Variants in FGFR3 observed in about 807,000 individuals in gnomAD.
FGFR3 encodes the protein fibroblast growth factor receptor 3.
FGFR3 carries 25 observed loss-of-function variants against 82.9 expected under a neutral mutation model. That is an observed-to-expected ratio of 0.30 (90% CI 0.22 to 0.42). The LOEUF (loss-of-function observed/expected upper bound fraction) is 0.42. Ranked by LOEUF, FGFR3 falls within the 10% of genes least tolerant of loss-of-function variation. The pLI, the probability that FGFR3 is intolerant of heterozygous loss-of-function variation, is 1.00. For synonymous variants in FGFR3, 620 were observed against 516.0 expected (o/e 1.20, Z -2.73); for missense variants, 1,026 against 1,161.0 (o/e 0.88, Z 1.69).
At position 1,808,007 on chromosome 4, in the gene FGFR3, G is replaced by T. The variant is rs1179772074; in HGVS notation, c.*745G>T. 8.3e-6 allele frequency: 2 copies of T among 239,962 alleles called. No individual in the cohort carries two copies. The highest frequency in any genetic ancestry group is 1.6e-5 in the Non-Finnish European group (2 of 122,232). 14.9% of individuals were successfully genotyped at this position (239,962 alleles called of 1,614,324 possible). A position where few individuals can be genotyped will look rare whatever the true frequency, so the allele number is the denominator to read the frequency against. ...CATGGCCCTGGGCGGGGCGTGGGGG[G>T]GCGTGGAGGGAGGCCCCAGGGGGTC... is the stretch of plus-strand genomic sequence containing the variant. On this transcript the variant is annotated 3_prime_UTR_variant, in exon 18 of 18. Transcript: ENST00000440486.
rs778645659 is a variant in FGFR3 at position 1,799,329 on chromosome 4, C to T, written c.185C>T (p.Pro62Leu). Reference sequence around the variant, plus strand: ...GGGGATGCTGTGGAGCTGAGCTGTCCCCCGCCCGGGGGTGGTCCCATGGGG... The same window carrying T: ...GGGGATGCTGTGGAGCTGAGCTGTCTCCCGCCCGGGGGTGGTCCCATGGGG... Reference protein sequence around the residue: ...GSGDAVELSCPPPGGGPMGPT... With the variant: ...GSGDAVELSCLPPGGGPMGPT... The change falls in exon 3 of 18, where the codon CCC (proline) becomes CTC (leucine). Residue 62 changes from proline to leucine, a missense_variant. Physicochemically the swap from Pro to Leu is moderately conservative, Grantham distance 98. Transcript: ENST00000440486. The T allele has an allele frequency of 6.2e-7, 1 of 1,612,598 alleles. No individual in the cohort carries two copies. Among genetic ancestry groups the T allele is most frequent in the East Asian group, 2.2e-5 (1 of 44,874 alleles).
Position 1,802,294 on chromosome 4 carries a change from G to A in FGFR3, c.930+269G>A, listed in dbSNP as rs549088698. Among the ~76,000 whole-genome samples, 5 of 152,362 alleles carry A rather than the reference G, an allele frequency of 3.3e-5. No individual in the cohort carries two copies. The East Asian group carries it at 7.7e-4, about 24-fold the overall frequency. ...GGAGCTGCCCACGGGCTTCTTGGGGGTGGGTGCGGCTTGGGCAGCAGTGGT... is the reference window on the plus strand; with the variant it reads ...GGAGCTGCCCACGGGCTTCTTGGGGATGGGTGCGGCTTGGGCAGCAGTGGT... On this transcript the variant is annotated intron_variant, in intron 7 of 17. Coordinates refer to ENST00000440486, the MANE Select transcript of FGFR3 (RefSeq NM_000142.5).
In FGFR3 at chr4:1,799,814, T is replaced by G. The variant is rs763050242; in HGVS notation, c.445+2T>G. 1.9e-6 allele frequency: 3 copies of G among 1,612,298 alleles called. No homozygotes were observed. Among genetic ancestry groups the G allele is most frequent in the Admixed American group, 3.3e-5 (2 of 59,978 alleles). ...CTGAGGACACAGGTGTGGACACAGG[T>G]AGGAGCAGGGTCCAGGGTTCAGGCC... On this transcript the variant is annotated splice_donor_variant, in intron 4 of 17. Coordinates refer to ENST00000440486, the MANE Select transcript of FGFR3 (RefSeq NM_000142.5). LOFTEE classifies it high-confidence loss of function.
At chr4:1,802,132 C>A in intron 7 of FGFR3, 107 bp downstream of exon 7, 2 of 1,239,044 alleles carry the variant, frequency 1.6e-6, no homozygotes, top group Non-Finnish European at 1.1e-6. Context: ...GGGGTTGGAG[C>A]TTCGGGGGCA....
rs3135900 is a variant in FGFR3 at position 1,807,298 on chromosome 4, A to G, written c.*36A>G. ...GTCCCCAACAATGTGAGGGGTCCCT[A>G]GCAGCCCACCCTGCTGCTGGTGCAC... On this transcript the variant is annotated 3_prime_UTR_variant, in exon 18 of 18. Coordinates refer to ENST00000440486, the MANE Select transcript of FGFR3 (RefSeq NM_000142.5). 49,021 of 1,567,180 alleles carry G rather than the reference A, an allele frequency of 0.031. 921 individuals are homozygous for G. The highest frequency in any genetic ancestry group is 0.034 in the Non-Finnish European group (39,988 of 1,160,836).
intron 13 of FGFR3, 50 bp from the exon 14 acceptor site, chr4:1,805,991 TGCTGGGAGCA>T (rs1398059949): frequency 6.2e-7 from 1 of 1,610,878 alleles, no homozygotes; most frequent in African/African-American, 1.3e-5. Flanking sequence ...TGCCCTGAGA[TGCTGGGAGCA>T]GCGGGGAGAG....
chr4:1,806,779 C>A (rs375456979), intron 16 of FGFR3, 50 bp from the exon 17 acceptor site: 3 of 1,593,236 alleles, frequency 1.9e-6, no homozygotes, highest in African/African-American at 2.7e-5. Context: ...AGGCTGTTCC[C>A]GAATAAGGCG....
intron 8 of FGFR3, 42 bp from the exon 9 acceptor site, chr4:1,804,288 G>A (rs17884871): frequency 2.0e-4 from 304 of 1,548,404 alleles, no homozygotes; most frequent in Middle Eastern, 3.5e-4. Flanking sequence ...AGCCCCGTGG[G>A]GGGGGGGGCC....
Position 1,807,722 on chromosome 4 carries a change from T to C in FGFR3, c.*460T>C. On this transcript the variant is annotated 3_prime_UTR_variant, in exon 18 of 18. Transcript: ENST00000440486. The stretch of plus-strand genomic sequence containing the variant: ...GAAGCCCCACATGTCCAGCACCTTG[T>C]GCCTGGGGTGTTAGTGGCACCGCCT... 1 of 608,524 alleles carries C rather than the reference T, an allele frequency of 1.6e-6. No individual in the cohort carries two copies. The highest frequency in any genetic ancestry group is 3.2e-6 in the Non-Finnish European group (1 of 315,732). 37.7% of individuals were successfully genotyped at this position (608,524 alleles called of 1,614,324 possible). A position where few individuals can be genotyped will look rare whatever the true frequency, so the allele number is the denominator to read the frequency against.
intron 2 of FGFR3, among the ~76,000 whole-genome samples, chr4:1,796,979 T>G (rs918698357): frequency 1.3e-5 from 2 of 152,088 alleles, no homozygotes; most frequent in African/African-American, 4.8e-5. Context: ...GAGCCCAAGT[T>G]GAGGTCGGCA....
rs1467150175 is a variant in FGFR3 at position 1,807,269 on chromosome 4, A to T, written c.*7A>T. On this transcript the variant is annotated 3_prime_UTR_variant, in exon 18 of 18. Transcript: ENST00000440486. ...TGGGGGCTCGCGGACGTGAAGGGCC[A>T]CTGGTCCCCAACAATGTGAGGGGTC... The T allele has an allele frequency of 6.3e-7, 1 of 1,591,670 alleles. No homozygotes were observed. The highest frequency in any genetic ancestry group is 8.5e-7 in the Non-Finnish European group (1 of 1,171,736).
intron 8 of FGFR3, 35 bp from the exon 9 acceptor site, chr4:1,804,295 G>C (rs745558716): frequency 2.5e-5 from 39 of 1,556,552 alleles, no homozygotes; most frequent in East Asian, 6.7e-5. Flanking sequence ...TGGGGGGGGG[G>C]GCCAGGCCAG....
At chr4:1,803,097 G>C in intron 7 of FGFR3, 2 of 1,530,216 alleles carry the variant, frequency 1.3e-6, no homozygotes, top group Admixed American at 2.1e-5. Flanking sequence ...GCCGGCACAA[G>C]AGCTCCAGCT....
chr4:1,799,662 GGGGGACCCT>G (rs1267482147), intron 3 of FGFR3, 76 bp from the exon 4 acceptor site: 1 of 1,578,792 alleles, frequency 6.3e-7, no homozygotes, highest in African/African-American at 1.3e-5. Context: ...CTGCCCAAAT[GGGGGACCCT>G]GCCCCATCTG....
chr4:1,802,947 C>T lies in FGFR3; in HGVS notation c.931-745C>T, dbSNP rs757360105. 4.4e-6 allele frequency: 7 copies of T among 1,601,744 alleles called. No homozygotes were observed. In the Admixed American group the frequency reaches 5.1e-5, roughly 12 times the overall value. ...CAGTGAGAGTGTGGAGGCCGACGTG[C>T]GCCTCCGCCTGGCCAATGTGTCGGA... On this transcript the variant is annotated intron_variant, in intron 7 of 17. Transcript: ENST00000440486.
rs781534447 is a variant in FGFR3 at position 1,806,660 on chromosome 4, G to A, written c.2145G>A (p.Lys715=). 13 of 1,612,724 alleles carry A rather than the reference G, an allele frequency of 8.1e-6. No homozygotes were observed. The highest frequency in any genetic ancestry group is 1.1e-5 in the Non-Finnish European group (13 of 1,179,890). Residue 715 remains lysine, a synonymous_variant, in exon 16 of 18, where the codon AAG becomes AAA. Transcript: ENST00000440486. ...TGAAGGAGGGCCACCGCATGGACAA[G>A]CCCGCCAACTGCACACACGACCTGT... ...KLLKEGHRMD[K]PANCTHDLYM...
intron 11 of FGFR3, 33 bp downstream of exon 11, chr4:1,805,509 G>T (rs370509888): frequency 1.1e-5 from 18 of 1,612,338 alleles, no homozygotes; most frequent in East Asian, 6.7e-5. Context: ...TGCAGAGCAG[G>T]GCTGGGGGCG....
At chr4:1,799,093 T>A (rs957023198) in intron 2 of FGFR3, among the ~76,000 whole-genome samples, 161 bp from the exon 3 acceptor site, 2 of 152,108 alleles carry the variant, frequency 1.3e-5, no homozygotes, top group Non-Finnish European at 2.9e-5. Context: ...ATAGAGACCT[T>A]TGGCCCTTTT....
At chr4:1,798,917 C>G (rs950404203) in intron 2 of FGFR3, among the ~76,000 whole-genome samples, 3 of 152,192 alleles carry the variant, frequency 2.0e-5, no homozygotes, top group Non-Finnish European at 4.4e-5. Flanking sequence ...ATTAAAAGAA[C>G]GAAGAGTCAC....
Sources: allele counts gnomAD v4.1 joint callset (sites outside exome capture counted in the v4.1 genomes callset), GRCh38; gene constraint gnomAD v4.1.1; transcripts MANE v1.5; gene names NCBI Gene and HGNC (gene_info 2026-07-23, HGNC 2026-07-21).